Variants in NR6A1 observed in about 807,000 individuals in gnomAD.
NR6A1 encodes the protein nuclear receptor subfamily 6 group A member 1, also known as retinoic acid receptor-related testis-associated receptor.
Under a neutral mutation model 59.1 loss-of-function variants are expected in NR6A1, and 7 were observed. That is an observed-to-expected ratio of 0.12 (90% CI 0.07 to 0.22). The LOEUF is 0.22. Among genes scored for constraint, NR6A1 ranks in the 10% least tolerant of loss-of-function variants. NR6A1 has a pLI of 1.00. For synonymous variants in NR6A1, 243 were observed against 236.1 expected (o/e 1.03, Z -0.27); for missense variants, 468 against 611.6 (o/e 0.77, Z 2.48).
At chr9:124,597,408 A>G (rs1303304884) in intron 2 of NR6A1, among the ~76,000 whole-genome samples, 1 of 152,074 alleles carries the variant, frequency 6.6e-6, no homozygotes, top group Non-Finnish European at 1.5e-5. Flanking sequence ...GGGAAGGTCC[A>G]CTAGCAAAAA....
intron 2 of NR6A1, among the ~76,000 whole-genome samples, chr9:124,700,602 T>C (rs1277441243): frequency 1.3e-5 from 2 of 152,118 alleles, no homozygotes; most frequent in East Asian, 1.9e-4. Context: ...CTTTTTATTG[T>C]TGAATAAATA....
intron 2 of NR6A1, among the ~76,000 whole-genome samples, chr9:124,584,989 A>G (rs1834880211): frequency 6.6e-6 from 1 of 152,234 alleles, no homozygotes; most frequent in South Asian, 2.1e-4. Flanking sequence ...CACACAAATG[A>G]TAAGAAAGAA....
At position 124,653,095 on chromosome 9, in the gene NR6A1, C is replaced by T. The variant is rs150747489; in HGVS notation, c.142+80213G>A. On this transcript the variant is annotated intron_variant, in intron 2 of 9. Transcript: ENST00000487099. ...AATAGAGAATCTATATAACATAGTACGAGCAAGAACTTTGGAATCAAGCTC... is the reference window on the plus strand; with the variant it reads ...AATAGAGAATCTATATAACATAGTATGAGCAAGAACTTTGGAATCAAGCTC... 1.3e-3 allele frequency among the ~76,000 whole-genome samples: 198 copies of T among 152,012 alleles called. 1 individual carries two copies. Among genetic ancestry groups the T allele is most frequent in the Middle Eastern group, 3.4e-3 (1 of 294 alleles).
chr9:124,620,940 A>C (rs1163300762), intron 2 of NR6A1, among the ~76,000 whole-genome samples: 1 of 152,174 alleles, frequency 6.6e-6, no homozygotes, highest in East Asian at 1.9e-4. Context: ...CTATCATGTG[A>C]GGCAGACAGA....
At chr9:124,699,074 G>A (rs1473411699) in intron 2 of NR6A1, among the ~76,000 whole-genome samples, 1 of 152,210 alleles carries the variant, frequency 6.6e-6, no homozygotes, top group African/African-American at 2.4e-5. Context: ...GGTCAAGCCA[G>A]TCACCCTGTT....
chr9:124,692,327 A>T (rs77418916), intron 2 of NR6A1: 8,163 of 318,556 alleles, frequency 0.026, 431 homozygotes, highest in African/African-American at 0.12. Context: ...TGCTGCACAC[A>T]AATTGATTTT....
intron 2 of NR6A1, among the ~76,000 whole-genome samples, chr9:124,564,159 T>A (rs890603667): frequency 1.3e-5 from 2 of 152,194 alleles, no homozygotes; most frequent in South Asian, 4.1e-4. Flanking sequence ...AAAAAGTCTT[T>A]GATATAATTC....
intron 2 of NR6A1, among the ~76,000 whole-genome samples, chr9:124,597,285 C>G (rs1162453979): frequency 1.6e-5 from 2 of 124,446 alleles, no homozygotes; most frequent in Non-Finnish European, 3.3e-5. Context: ...TCCCACCCCC[C>G]ACCCCAACCC....
intron 8 of NR6A1, among the ~76,000 whole-genome samples, chr9:124,526,288 A>ATG (rs3050281): frequency 0.018 from 2,647 of 146,624 alleles, 28 homozygotes; most frequent in South Asian, 0.039. Flanking sequence ...GTATGTGTGT[A>ATG]TGTGTGTGTG....
At chr9:124,693,591 A>C in intron 2 of NR6A1, 1 of 416,760 alleles carries the variant, frequency 2.4e-6, no homozygotes, top group Non-Finnish European at 5.0e-6. Context: ...GCCCTCAATC[A>C]TGCAGATGGC....
At chr9:124,760,194 C>A (rs1253099041) in intron 1 of NR6A1, among the ~76,000 whole-genome samples, 4 of 151,940 alleles carry the variant, frequency 2.6e-5, no homozygotes, top group Admixed American at 2.6e-4. Flanking sequence ...CACCTGTAAT[C>A]CCAGCTGCTC....
At chr9:124,606,148 T>C (rs1835570548) in intron 2 of NR6A1, among the ~76,000 whole-genome samples, 1 of 152,222 alleles carries the variant, frequency 6.6e-6, no homozygotes, top group South Asian at 2.1e-4. Context: ...ATAGTGCTAT[T>C]TGCAGTTTCC....
At chr9:124,593,639 G>A (rs1835190963) in intron 2 of NR6A1, among the ~76,000 whole-genome samples, 2 of 152,276 alleles carry the variant, frequency 1.3e-5, no homozygotes, top group East Asian at 1.9e-4. Flanking sequence ...CGTTGAAAGG[G>A]CACTCAAGTA....
intron 2 of NR6A1, among the ~76,000 whole-genome samples, chr9:124,582,567 G>T (rs1283402393): frequency 6.6e-6 from 1 of 151,322 alleles, no homozygotes; most frequent in East Asian, 1.9e-4. Flanking sequence ...ATGTACCCCT[G>T]AACTTAAAAG....
intron 2 of NR6A1, among the ~76,000 whole-genome samples, chr9:124,710,408 CAT>C (rs1331102301): frequency 7.2e-5 from 11 of 152,306 alleles, no homozygotes; most frequent in African/African-American, 2.6e-4. Flanking sequence ...CACACACACA[CAT>C]ACACACACAA....
rs182713184 is a variant in NR6A1, at chr9:124,664,871, A to G, written c.142+68437T>C. 4.3e-3 allele frequency among the ~76,000 whole-genome samples: 658 copies of G among 152,178 alleles called. 1 individual carries two copies. Among genetic ancestry groups the G allele is most frequent in the African/African-American group, 0.015 (616 of 41,488 alleles). The stretch of plus-strand genomic sequence containing the variant: ...GGGATAACCATGGGCCAGAAGCCCT[A>G]TCATTCAAGAAATGGCAGGGGCCAG... On this transcript the variant is annotated intron_variant, in intron 2 of 9. Coordinates refer to ENST00000487099, the MANE Select transcript of NR6A1 (RefSeq NM_033334.4).
intron 2 of NR6A1, among the ~76,000 whole-genome samples, chr9:124,717,174 G>T (rs974402661): frequency 1.3e-5 from 2 of 152,242 alleles, no homozygotes; most frequent in South Asian, 4.1e-4. Flanking sequence ...TGAACATCTG[G>T]GAAATCTGTT....
rs563615464 is a variant in NR6A1, at chr9:124,627,180, G to T, written c.143-72610C>A. Among the ~76,000 whole-genome samples the T allele has an allele frequency of 6.0e-4, 91 of 152,216 alleles. 1 individual carries two copies. The South Asian group carries it at 0.018, about 31-fold the overall frequency. ...GACAATGTTTCCTATTTCTTAAAAT[G>T]ACAAAACTGAGCTCTGACAGATGTT... is the stretch of plus-strand genomic sequence containing the variant. On this transcript the variant is annotated intron_variant, in intron 2 of 9. Transcript: ENST00000487099.
rs1387338339 is a variant in NR6A1, at chr9:124,771,235, C to A, written c.-116G>T. ...TTGTCAGGAGCCCGCGAGCTCCCGG[C>A]CGCGGCTCTCTCTGGGCCCCGAGCC... On this transcript the variant is annotated 5_prime_UTR_variant, in exon 1 of 10. Transcript: ENST00000487099. 3 of 524,446 alleles carry A rather than the reference C, an allele frequency of 5.7e-6. No homozygotes were observed. The highest frequency in any genetic ancestry group is 8.7e-6 in the Non-Finnish European group (3 of 343,490). 32.5% of individuals were successfully genotyped at this position (524,446 alleles called of 1,614,324 possible).
Sources: allele counts gnomAD v4.1 joint callset (sites outside exome capture counted in the v4.1 genomes callset), GRCh38; gene constraint gnomAD v4.1.1; transcripts MANE v1.5; gene names NCBI Gene and HGNC (gene_info 2026-07-23, HGNC 2026-07-21).